Variants in ENTPD1 observed in about 807,000 individuals in gnomAD.
ENTPD1 encodes the protein ATP diphosphohydrolase.
A neutral mutation model predicts 57.0 loss-of-function variants in ENTPD1; 33 were observed. The observed-to-expected ratio is 0.58, with a 90% CI of 0.44 to 0.77. ENTPD1 has a LOEUF of 0.77. Among genes scored for constraint, ENTPD1 ranks in the 30% least tolerant of loss-of-function variants. The pLI, the probability that ENTPD1 is intolerant of heterozygous loss-of-function variation, is 0.00. For synonymous variants in ENTPD1, 202 were observed against 218.8 expected, an observed-to-expected ratio of 0.92 and a Z score of 0.68; for missense variants, 501 against 603.4, an observed-to-expected ratio of 0.83 and a Z score of 1.78.
chr10:95,850,920 G>A (rs1291678253), intron 7 of ENTPD1, among the ~76,000 whole-genome samples: 1 of 152,166 alleles, frequency 6.6e-6, no homozygotes, highest in Non-Finnish European at 1.5e-5. Flanking sequence ...TGCCACAGTT[G>A]CATTCAGCAC....
At chr10:95,709,133 C>A (rs1354422577), upstream of ENTPD1, among the ~76,000 whole-genome samples, 2 of 152,114 alleles carry the variant, frequency 1.3e-5, no homozygotes, top group Non-Finnish European at 2.9e-5. Flanking sequence ...GTACTCAGAG[C>A]AATCCTGTGT....
intron 7 of ENTPD1, among the ~76,000 whole-genome samples, chr10:95,848,687 T>G (rs2098439814): frequency 6.6e-6 from 1 of 152,224 alleles, no homozygotes; most frequent in African/African-American, 2.4e-5. Flanking sequence ...AGGTTTTCCT[T>G]GCACACATCT....
the ENTPD1 span, among the ~76,000 whole-genome samples, chr10:95,699,249 G>C: frequency 6.6e-6 from 1 of 152,144 alleles, no homozygotes. Flanking sequence ...CATTTATAGA[G>C]AGACATGAGA....
intron 2 of ENTPD1, among the ~76,000 whole-genome samples, chr10:95,834,969 G>T (rs536922325): frequency 6.6e-6 from 1 of 152,202 alleles, no homozygotes; most frequent in Non-Finnish European, 1.5e-5. Context: ...GACTCATGGG[G>T]CACATGTGCA....
At chr10:95,838,729 A>G (rs1405349289) in intron 2 of ENTPD1, among the ~76,000 whole-genome samples, 1 of 152,188 alleles carries the variant, frequency 6.6e-6, no homozygotes. Context: ...ACATATGCAA[A>G]AATTTATTGA....
chr10:95,873,672 C>T lies in ENTPD1; in HGVS notation c.*7289C>T. 1.0e-6 allele frequency: 1 copy of T among 985,348 alleles called. No individual in the cohort carries two copies. Among genetic ancestry groups the T allele is most frequent in the South Asian group, 4.7e-5 (1 of 21,282 alleles). The allele number at this position is 985,348 out of a possible 1,614,324, so 61.0% of individuals were successfully genotyped here. On this transcript the variant is annotated 3_prime_UTR_variant, in exon 10 of 10. Transcript: ENST00000371205. ...AACAGCTAATCATGTTCAATAGTTACATTTAGATTGGTTTTTAAAAACTAT... is the reference window on the plus strand; with the variant it reads ...AACAGCTAATCATGTTCAATAGTTATATTTAGATTGGTTTTTAAAAACTAT...
In ENTPD1 at chr10:95,870,931, G is replaced by T; in HGVS notation, c.*4548G>T. On this transcript the variant is annotated 3_prime_UTR_variant, in exon 10 of 10. Coordinates refer to ENST00000371205, the MANE Select transcript of ENTPD1 (RefSeq NM_001776.6). Reference sequence around the variant, plus strand: ...GGCAGCTCTACTTCAGGTGGTAAGGGTGGATCAGACCTATTCCATATACCT... The same window carrying T: ...GGCAGCTCTACTTCAGGTGGTAAGGTTGGATCAGACCTATTCCATATACCT... 2.0e-6 allele frequency: 2 copies of T among 985,392 alleles called. No homozygotes were observed. Among genetic ancestry groups the T allele is most frequent in the South Asian group, 9.4e-5 (2 of 21,284 alleles). 61.0% of individuals were successfully genotyped at this position (985,392 alleles called of 1,614,324 possible).
intron 7 of ENTPD1, among the ~76,000 whole-genome samples, chr10:95,852,413 G>A (rs975981877): frequency 6.6e-6 from 1 of 152,114 alleles, no homozygotes; most frequent in Non-Finnish European, 1.5e-5. Flanking sequence ...TTCTTTTGCT[G>A]TGCAGAAGCT....
chr10:95,827,981 G>T (rs1467766386), intron 2 of ENTPD1, among the ~76,000 whole-genome samples: 1 of 152,088 alleles, frequency 6.6e-6, no homozygotes, highest in East Asian at 1.9e-4. Flanking sequence ...CCTTAGAAAT[G>T]GATGAGGTCA....
intron 2 of ENTPD1, among the ~76,000 whole-genome samples, chr10:95,828,329 G>T (rs1318947350): frequency 6.6e-6 from 1 of 152,172 alleles, no homozygotes; most frequent in Non-Finnish European, 1.5e-5. Context: ...CCCCGTATGG[G>T]ACTGTCTAGT....
At chr10:95,790,341 T>C (rs1171313025) in intron 1 of ENTPD1, among the ~76,000 whole-genome samples, 1 of 152,220 alleles carries the variant, frequency 6.6e-6, no homozygotes, top group Non-Finnish European at 1.5e-5. Context: ...AGAAAATATG[T>C]GTAAATTGAC....
intron 1 of ENTPD1, among the ~76,000 whole-genome samples, chr10:95,739,962 G>A (rs976189264): frequency 1.3e-5 from 2 of 152,168 alleles, no homozygotes; most frequent in African/African-American, 4.8e-5. Context: ...GCTCCTGGGT[G>A]ATCAAGTGCA....
At chr10:95,815,070 A>G (rs552567299) in intron 1 of ENTPD1, among the ~76,000 whole-genome samples, 9 of 152,350 alleles carry the variant, frequency 5.9e-5, no homozygotes, top group African/African-American at 1.9e-4. Flanking sequence ...TATAGGCAGG[A>G]AAAAACCCGC....
At chr10:95,741,614 G>A (rs1220962936) in intron 1 of ENTPD1, among the ~76,000 whole-genome samples, 1 of 152,144 alleles carries the variant, frequency 6.6e-6, no homozygotes, top group Non-Finnish European at 1.5e-5. Context: ...ATAAAGCCAA[G>A]CACAAGCAAG....
intron 1 of ENTPD1, among the ~76,000 whole-genome samples, chr10:95,767,206 C>T (rs1416141355): frequency 6.7e-6 from 1 of 149,938 alleles, no homozygotes; most frequent in Non-Finnish European, 1.5e-5. Flanking sequence ...GTCCCAGCTA[C>T]TCGGGAGGCT....
chr10:95,773,333 A>G (rs1589763242), intron 1 of ENTPD1, among the ~76,000 whole-genome samples: 1 of 152,318 alleles, frequency 6.6e-6, no homozygotes. Flanking sequence ...GCAGGCATGA[A>G]AACATTTATC....
Position 95,871,844 on chromosome 10 carries a change from A to G in ENTPD1, c.*5461A>G, listed in dbSNP as rs190060770. 2.0e-5 allele frequency: 20 copies of G among 985,400 alleles called. No individual in the cohort carries two copies. The highest frequency in any genetic ancestry group is 1.0e-3 in the Middle Eastern group (2 of 1,914). The allele number at this position is 985,400 out of a possible 1,614,324, so 61.0% of individuals were successfully genotyped here. ...TGTATTAGTCAATGGTAAGTAAGAT[A>G]CTCTCATCTAAGAAATAACATCACC... On this transcript the variant is annotated 3_prime_UTR_variant, in exon 10 of 10. Transcript: ENST00000371205.
intron 1 of ENTPD1, among the ~76,000 whole-genome samples, chr10:95,807,941 A>G (rs1453367353): frequency 6.6e-6 from 1 of 152,166 alleles, no homozygotes; most frequent in Non-Finnish European, 1.5e-5. Flanking sequence ...CCTAACCAGG[A>G]CATCCAATAC....
At chr10:95,766,279 C>T (rs530621121) in intron 1 of ENTPD1, among the ~76,000 whole-genome samples, 3 of 152,090 alleles carry the variant, frequency 2.0e-5, no homozygotes, top group South Asian at 2.1e-4. Context: ...CTTATATAAC[C>T]ACAGTACAGT....
Sources: gnomAD v4.1 joint callset for allele counts (sites outside exome capture counted in the v4.1 genomes callset) on GRCh38, gnomAD v4.1.1 for gene constraint, MANE v1.5 for transcripts, NCBI Gene and HGNC (gene_info 2026-07-23, HGNC 2026-07-21) for gene names.